Variants in DYRK1A observed in about 807,000 individuals in gnomAD.
DYRK1A encodes the protein dual specificity tyrosine-phosphorylation-regulated kinase 1A.
In DYRK1A, 9 loss-of-function variants were observed where a neutral mutation model predicts 79.7. The ratio of observed to expected loss-of-function variants is 0.11; its 90% CI spans 0.07 to 0.20. The LOEUF (loss-of-function observed/expected upper bound fraction) is 0.20. DYRK1A is among the 10% of genes least tolerant of loss of function. DYRK1A has a pLI of 1.00. For missense variants in DYRK1A, 622 were observed against 956.0 expected (o/e 0.65, Z 4.61); for synonymous variants, 349 against 329.7 (o/e 1.06, Z -0.63).
chr21:37,370,363 G>A (rs888687127), intron 1 of DYRK1A, among the ~76,000 whole-genome samples: 1 of 151,366 alleles, frequency 6.6e-6, no homozygotes, highest in African/African-American at 2.4e-5. Flanking sequence ...GTTTATGGTT[G>A]ACAAGTATCT....
chr21:37,480,602 A>T, intron 4 of DYRK1A, 36 bp from the exon 5 acceptor site: 3 of 1,503,842 alleles, frequency 2.0e-6, no homozygotes, highest in Non-Finnish European at 2.7e-6. Flanking sequence ...ACAGTGATTT[A>T]AATTTTACAG....
Position 37,505,599 on chromosome 21 carries a change from G to T in DYRK1A, c.1519+10G>T. 2 of 1,577,676 alleles carry T rather than the reference G, an allele frequency of 1.3e-6. No homozygotes were observed. The highest frequency in any genetic ancestry group is 2.2e-5 in the East Asian group (1 of 44,520). Reference sequence around the variant, plus strand: ...ACATCGTCAAGCTCAGGTCTGTGCTGCTGCGGTTAGATTAGGCTTGGGAAT... The same window carrying T: ...ACATCGTCAAGCTCAGGTCTGTGCTTCTGCGGTTAGATTAGGCTTGGGAAT... On this transcript the variant is annotated intron_variant, in intron 10 of 11. Coordinates refer to ENST00000647188, the MANE Select transcript of DYRK1A (RefSeq NM_001347721.2).
In DYRK1A at chr21:37,417,534, T is replaced by TCTTTTTCTTTTTCTTTTC. The variant is rs1555959240; in HGVS notation, c.-76-2765_-76-2764insCTTTTTCTTTTTCTTTTC. On this transcript the variant is annotated intron_variant, in intron 1 of 11. Transcript: ENST00000647188. ...TTCTTTTTCTTTTTCTTTTTCTTTT[T>TCTTTTTCTTTTTCTTTTC]TTTTTTTTTTTTTTTTTTTTACAAA... 1.2e-4 allele frequency among the ~76,000 whole-genome samples: 10 copies of TCTTTTTCTTTTTCTTTTC among 84,232 alleles called. 1 individual carries two copies. The highest frequency in any genetic ancestry group is 3.6e-4 in the Admixed American group (3 of 8,240). The allele number at this position is 84,232 out of a possible 152,430, so 55.3% of individuals were successfully genotyped here. A position where few individuals can be genotyped will look rare whatever the true frequency, so the allele number is the denominator to read the frequency against.
intron 2 of DYRK1A, among the ~76,000 whole-genome samples, chr21:37,461,930 T>C (rs1601166025): frequency 1.3e-5 from 2 of 152,110 alleles, no homozygotes; most frequent in Middle Eastern, 3.4e-3. Flanking sequence ...CATTCACTTA[T>C]CTTTTCTTCT....
At chr21:37,395,053 C>T (rs534800157) in intron 1 of DYRK1A, among the ~76,000 whole-genome samples, 2 of 152,308 alleles carry the variant, frequency 1.3e-5, no homozygotes, top group African/African-American at 4.8e-5. Context: ...TCTCTCCCTT[C>T]TTCATGCCCT....
intron 1 of DYRK1A, among the ~76,000 whole-genome samples, chr21:37,402,121 T>C (rs957926124): frequency 2.0e-5 from 3 of 152,204 alleles, no homozygotes; most frequent in Non-Finnish European, 4.4e-5. Context: ...AATTTTATTA[T>C]TTTTGCTTTA....
At chr21:37,390,795 C>G (rs1175347314) in intron 1 of DYRK1A, among the ~76,000 whole-genome samples, 2 of 152,168 alleles carry the variant, frequency 1.3e-5, no homozygotes, top group Non-Finnish European at 2.9e-5. Context: ...GTTTCGAACT[C>G]CTGAGCTCAG....
intron 2 of DYRK1A, among the ~76,000 whole-genome samples, chr21:37,461,115 CAGTTCCTAAAA>C (rs1393165441): frequency 1.3e-5 from 2 of 152,092 alleles, no homozygotes; most frequent in East Asian, 3.8e-4. Flanking sequence ...GAGGATAGTA[CAGTTCCTAAAA>C]AATGATACGT....
chr21:37,488,206 A>G (rs2052943687), intron 6 of DYRK1A: 2 of 259,590 alleles, frequency 7.7e-6, no homozygotes, highest in Middle Eastern at 2.0e-3. Flanking sequence ...TAGTTATTAC[A>G]GATACTCTTT....
At chr21:37,379,972 C>T (rs2049624150) in intron 1 of DYRK1A, among the ~76,000 whole-genome samples, 1 of 152,124 alleles carries the variant, frequency 6.6e-6, no homozygotes, top group South Asian at 2.1e-4. Flanking sequence ...CTGGGGGAAT[C>T]TTTAATAGTT....
At chr21:37,433,017 AACTT>A (rs1262209288) in intron 2 of DYRK1A, among the ~76,000 whole-genome samples, 5 of 146,228 alleles carry the variant, frequency 3.4e-5, no homozygotes, top group Admixed American at 1.4e-4. Context: ...ATACTTAGAA[AACTT>A]ACTTTCTTTA....
chr21:37,523,952 C>G lies in DYRK1A; in HGVS notation c.*11421C>G, dbSNP rs1017565868. 6.6e-6 allele frequency: 1 copy of G among 152,218 alleles called. No homozygotes were observed. The highest frequency in any genetic ancestry group is 1.5e-5 in the Non-Finnish European group (1 of 68,040). The allele number at this position is 152,218 out of a possible 1,614,324, so 9.4% of individuals were successfully genotyped here. Reference sequence around the variant, plus strand: ...CTGTGCAATGTAAATTGCAGTGACACAGTTATAACTCAGCAGCATTTTGAA... The same window carrying G: ...CTGTGCAATGTAAATTGCAGTGACAGAGTTATAACTCAGCAGCATTTTGAA... On this transcript the variant is annotated 3_prime_UTR_variant, in exon 12 of 12. Transcript: ENST00000647188.
intron 1 of DYRK1A, among the ~76,000 whole-genome samples, chr21:37,405,903 A>C (rs534027634): frequency 1.3e-5 from 2 of 152,202 alleles, no homozygotes; most frequent in East Asian, 3.9e-4. Flanking sequence ...TTAGGGTACT[A>C]TTCATGTGTG....
intron 1 of DYRK1A, among the ~76,000 whole-genome samples, chr21:37,370,979 G>C (rs1056010031): frequency 6.6e-6 from 1 of 152,088 alleles, no homozygotes; most frequent in Non-Finnish European, 1.5e-5. Flanking sequence ...TTGACTGTTG[G>C]GCAATTTTCT....
At chr21:37,452,613 A>G (rs1338364826) in intron 2 of DYRK1A, among the ~76,000 whole-genome samples, 1 of 152,076 alleles carries the variant, frequency 6.6e-6, no homozygotes, top group Non-Finnish European at 1.5e-5. Context: ...TTTGTACTGG[A>G]GAGGAAACCT....
intron 2 of DYRK1A, among the ~76,000 whole-genome samples, chr21:37,461,817 G>A (rs1381485039): frequency 6.8e-6 from 1 of 148,118 alleles, no homozygotes; most frequent in Non-Finnish European, 1.5e-5. Context: ...GTTTTCAGCA[G>A]TTTGGTTGAG....
At chr21:37,505,239 A>T (rs763189147) in intron 9 of DYRK1A, 44 bp from the exon 10 acceptor site, 2 of 1,484,742 alleles carry the variant, frequency 1.3e-6, no homozygotes, top group Non-Finnish European at 9.2e-7. Context: ...GTGTTTACGT[A>T]TTCCACCAAA....
At chr21:37,369,184 G>T (rs1263017490) in intron 1 of DYRK1A, among the ~76,000 whole-genome samples, 1 of 152,174 alleles carries the variant, frequency 6.6e-6, no homozygotes, top group Non-Finnish European at 1.5e-5. Context: ...AAGTATTAAT[G>T]AATATATTTA....
intron 5 of DYRK1A, among the ~76,000 whole-genome samples, chr21:37,485,657 T>C (rs797011895): frequency 2.0e-4 from 31 of 152,334 alleles, no homozygotes; most frequent in African/African-American, 7.0e-4. Flanking sequence ...TAACTTCTAT[T>C]TTATTAGTTG....
Sources: allele counts gnomAD v4.1 joint callset (sites outside exome capture counted in the v4.1 genomes callset), GRCh38; gene constraint gnomAD v4.1.1; transcripts MANE v1.5; gene names NCBI Gene and HGNC (gene_info 2026-07-23, HGNC 2026-07-21).